The following TBC1D19 variants were observed in gnomAD, a reference collection of about 807,000 sequenced individuals.
TBC1D19 encodes the protein TBC1 domain family, member 19.
In TBC1D19, 60 loss-of-function variants were observed where a neutral mutation model predicts 89.0. The ratio of observed to expected loss-of-function variants is 0.67; its 90% CI spans 0.55 to 0.84. TBC1D19 has a LOEUF of 0.84. Ranked by LOEUF, TBC1D19 falls within the 40% of genes least tolerant of loss-of-function variation. The probability of loss-of-function intolerance (pLI) is 0.00; values close to 1 mark genes in which losing one functional copy is unlikely to be tolerated. For synonymous variants in TBC1D19, 189 were observed against 199.7 expected (o/e 0.95, Z 0.45); for missense variants, 500 against 610.8 (o/e 0.82, Z 1.91).
the TBC1D19 span, among the ~76,000 whole-genome samples, chr4:26,807,463 C>T: frequency 6.6e-6 from 1 of 152,202 alleles, no homozygotes; most frequent in Non-Finnish European, 1.5e-5. Context: ...GGAAATCTCT[C>T]ACTTCCTCTC....
chr4:26,666,229 A>G, intron 8 of TBC1D19, 104 bp from the exon 9 acceptor site: 1 of 874,272 alleles, frequency 1.1e-6, no homozygotes, highest in Non-Finnish European at 1.8e-6. Context: ...GCCTCATTTC[A>G]CACTGTGATT....
intron 19 of TBC1D19, among the ~76,000 whole-genome samples, chr4:26,752,036 C>G (rs1329969438): frequency 2.0e-5 from 3 of 152,136 alleles, no homozygotes; most frequent in African/African-American, 7.2e-5. Flanking sequence ...TATTTTCTAC[C>G]TGGGTGCCTC....
chr4:26,709,069 A>G (rs754274171), intron 13 of TBC1D19, among the ~76,000 whole-genome samples: 8 of 151,914 alleles, frequency 5.3e-5, no homozygotes, highest in Non-Finnish European at 1.2e-4. Flanking sequence ...AAAAAGGGAC[A>G]TATAAATCTA....
At chr4:26,770,352 G>C in the TBC1D19 span, among the ~76,000 whole-genome samples, 1 of 152,050 alleles carries the variant, frequency 6.6e-6, no homozygotes, top group Admixed American at 6.6e-5. Context: ...CATCAAGAAG[G>C]CATAGTGCTA....
At chr4:26,653,280 G>A (rs546512414) in intron 7 of TBC1D19, among the ~76,000 whole-genome samples, 20 of 152,238 alleles carry the variant, frequency 1.3e-4, no homozygotes, top group South Asian at 1.0e-3. Flanking sequence ...GGAGTGCTTT[G>A]CTTCCAACTA....
chr4:26,696,112 C>T (rs1714753627), intron 13 of TBC1D19, among the ~76,000 whole-genome samples: 1 of 152,052 alleles, frequency 6.6e-6, no homozygotes, highest in South Asian at 2.1e-4. Flanking sequence ...TTCAGGAGAC[C>T]CATCTCATGT....
the TBC1D19 span, among the ~76,000 whole-genome samples, chr4:26,830,061 A>G: frequency 0.011 from 1,630 of 152,224 alleles, 27 homozygotes; most frequent in African/African-American, 0.037. Context: ...CCATCGGGTT[A>G]TGGTTTCCTG....
chr4:26,628,567 T>G (rs927653130), intron 4 of TBC1D19, among the ~76,000 whole-genome samples: 4 of 152,084 alleles, frequency 2.6e-5, no homozygotes, highest in Non-Finnish European at 4.4e-5. Flanking sequence ...GGAAGTCAAA[T>G]TGTCCTTGTT....
chr4:26,784,819 C>A, the TBC1D19 span, among the ~76,000 whole-genome samples: 1 of 152,184 alleles, frequency 6.6e-6, no homozygotes, highest in African/African-American at 2.4e-5. Context: ...CCTTGGGGAG[C>A]ATTGGCTAAT....
intron 13 of TBC1D19, among the ~76,000 whole-genome samples, chr4:26,698,685 A>G (rs373388350): frequency 7.2e-5 from 11 of 152,198 alleles, no homozygotes; most frequent in East Asian, 5.8e-4. Context: ...ATGGAACAGA[A>G]CAGAGCCCTC....
intron 13 of TBC1D19, among the ~76,000 whole-genome samples, chr4:26,701,342 A>G (rs1715316737): frequency 6.6e-6 from 1 of 151,198 alleles, no homozygotes. Context: ...AGTGATGGCT[A>G]TCTAATATGT....
chr4:26,776,951 C>T, the TBC1D19 span, among the ~76,000 whole-genome samples: 155 of 152,108 alleles, frequency 1.0e-3, no homozygotes, highest in Non-Finnish European at 1.6e-3. Flanking sequence ...TGAAGTTCAT[C>T]GTGTGCTCTT....
chr4:26,833,240 A>G, the TBC1D19 span, among the ~76,000 whole-genome samples: 4 of 152,206 alleles, frequency 2.6e-5, no homozygotes, highest in South Asian at 8.3e-4. Context: ...AAGACGGCAC[A>G]ACAGAAAAAT....
intron 13 of TBC1D19, among the ~76,000 whole-genome samples, chr4:26,708,876 G>T (rs1318358322): frequency 1.3e-5 from 2 of 150,882 alleles, no homozygotes; most frequent in Non-Finnish European, 3.0e-5. Context: ...ATTTTTTCTT[G>T]ATTTTCTCCA....
chr4:26,633,357 C>T (rs1038960416), intron 4 of TBC1D19, among the ~76,000 whole-genome samples: 2 of 152,056 alleles, frequency 1.3e-5, no homozygotes, highest in Non-Finnish European at 2.9e-5. Context: ...TTGATATCTT[C>T]TGTGTTGAAC....
chr4:26,847,356 GT>G, the TBC1D19 span, among the ~76,000 whole-genome samples: 19 of 152,340 alleles, frequency 1.2e-4, no homozygotes, highest in East Asian at 3.5e-3. Flanking sequence ...TTTAAAGTGA[GT>G]TGTCAGACAA....
intron 7 of TBC1D19, among the ~76,000 whole-genome samples, chr4:26,656,993 C>CTTCTT (rs1491448641): frequency 3.0e-4 from 10 of 33,344 alleles, no homozygotes; most frequent in African/African-American, 1.1e-3. Context: ...TTCTTCTTCT[C>CTTCTT]CTTCTCCTTC....
At chr4:26,640,491 C>G (rs1038869647) in intron 7 of TBC1D19, among the ~76,000 whole-genome samples, 1 of 152,180 alleles carries the variant, frequency 6.6e-6, no homozygotes, top group Admixed American at 6.5e-5. Flanking sequence ...GCGTGATCAA[C>G]ACAGAAGACG....
At chr4:26,703,391 C>T (rs1027571366) in intron 13 of TBC1D19, among the ~76,000 whole-genome samples, 3 of 151,732 alleles carry the variant, frequency 2.0e-5, no homozygotes, top group Middle Eastern at 3.2e-3. Context: ...TGTGTGTGTG[C>T]ATGTGTGTGT....
Sources: allele counts gnomAD v4.1 joint callset (sites outside exome capture counted in the v4.1 genomes callset), GRCh38; gene constraint gnomAD v4.1.1; transcripts MANE v1.5; gene names NCBI Gene and HGNC (gene_info 2026-07-23, HGNC 2026-07-21).